The following NPSR1 variants were observed in gnomAD, a reference collection of about 807,000 sequenced individuals.
NPSR1 encodes neuropeptide S receptor.
A neutral mutation model predicts 46.9 loss-of-function variants in NPSR1; 48 were observed. The observed-to-expected ratio is 1.02, with a 90% CI of 0.81 to 1.30. The LOEUF is 1.30. NPSR1 is among the 50% of genes most tolerant of loss of function. The pLI is 0.00. For missense variants in NPSR1, 450 were observed against 449.5 expected (o/e 1.00, Z -0.01); for synonymous variants, 176 against 168.1 (o/e 1.05, Z -0.36).
In NPSR1 at chr7:34,863,425, A is replaced by C. The variant is rs570205447; in HGVS notation, c.1026-14651A>C. Among the ~76,000 whole-genome samples, 24 of 151,858 alleles carry C rather than the reference A, an allele frequency of 1.6e-4. 1 individual carries two copies. Among genetic ancestry groups the C allele is most frequent in the African/African-American group, 5.3e-4 (22 of 41,182 alleles). On this transcript the variant is annotated intron_variant, in intron 8 of 8. Transcript: ENST00000359791. Reference sequence around the variant, plus strand: ...AGCTTCTGCACAGCAAAAGAAACTAACATCAGAGTGAACAGGCAACCTACA... The same window carrying C: ...AGCTTCTGCACAGCAAAAGAAACTACCATCAGAGTGAACAGGCAACCTACA...
intron 2 of NPSR1, among the ~76,000 whole-genome samples, chr7:34,749,608 T>A (rs1785401905): frequency 6.6e-6 from 1 of 152,164 alleles, no homozygotes; most frequent in Non-Finnish European, 1.5e-5. Context: ...CTCAAAATAA[T>A]TCACATCTTC....
chr7:34,783,049 T>C (rs1484681986), intron 3 of NPSR1, among the ~76,000 whole-genome samples: 1 of 151,526 alleles, frequency 6.6e-6, no homozygotes, highest in Non-Finnish European at 1.5e-5. Flanking sequence ...ATTTGTGAAG[T>C]GAAAAACAGG....
At position 34,778,575 on chromosome 7, in the gene NPSR1, A is replaced by G. The variant is rs1037056861; in HGVS notation, c.384+10A>G. 1.9e-6 allele frequency: 3 copies of G among 1,555,918 alleles called. No homozygotes were observed. Among genetic ancestry groups the G allele is most frequent in the Non-Finnish European group, 2.7e-6 (3 of 1,128,202 alleles). On this transcript the variant is annotated intron_variant, in intron 3 of 8. Coordinates refer to ENST00000360581, the MANE Select transcript of NPSR1 (RefSeq NM_207172.2). ...GGTCCGCTATTTGCAGGTATGTCAC[A>G]CCTTCCAAATGTGATGAGACAAACT... is the stretch of plus-strand genomic sequence containing the variant.
At chr7:34,809,230 C>T (rs947855439) in intron 3 of NPSR1, among the ~76,000 whole-genome samples, 4 of 151,982 alleles carry the variant, frequency 2.6e-5, no homozygotes, top group Non-Finnish European at 1.5e-5. Context: ...TCTAAGTAGA[C>T]GATCGATTTT....
Position 34,692,153 on chromosome 7 carries a change from AAAAG to A in NPSR1, c.280+7481_280+7484del, listed in dbSNP as rs200757336. Among the ~76,000 whole-genome samples, 1,070 of 152,076 alleles carry A rather than the reference AAAAG, an allele frequency of 7.0e-3. 13 individuals carry two copies. The highest frequency in any genetic ancestry group is 0.025 in the African/African-American group (1,029 of 41,522). On this transcript the variant is annotated intron_variant, in intron 2 of 8. Transcript: ENST00000360581. Reference sequence around the variant, plus strand: ...AAACAAAACAAAACGAAACAAAATAAAAAGAAAGAAAGAAACTCTGGACTTAAAC... The same window carrying A: ...AAACAAAACAAAACGAAACAAAATAAAAAGAAAGAAACTCTGGACTTAAAC...
At chr7:34,705,342 G>T (rs922959660) in intron 2 of NPSR1, among the ~76,000 whole-genome samples, 1 of 151,196 alleles carries the variant, frequency 6.6e-6, no homozygotes, top group African/African-American at 2.4e-5. Context: ...TGGGAGGATC[G>T]CTTGAATCCA....
chr7:34,791,821 A>C (rs1009417251), intron 3 of NPSR1, among the ~76,000 whole-genome samples: 5 of 152,168 alleles, frequency 3.3e-5, no homozygotes, highest in Admixed American at 1.3e-4. Context: ...ACAGTAATCG[A>C]AACAGTGTTG....
At chr7:34,805,582 T>C (rs548800187) in intron 3 of NPSR1, among the ~76,000 whole-genome samples, 1 of 150,578 alleles carries the variant, frequency 6.6e-6, no homozygotes, top group African/African-American at 2.4e-5. Context: ...TACTATTATA[T>C]AAAACGACTA....
chr7:34,766,256 A>G (rs979977736), intron 2 of NPSR1, among the ~76,000 whole-genome samples: 2 of 152,212 alleles, frequency 1.3e-5, no homozygotes, highest in East Asian at 1.9e-4. Flanking sequence ...GTGGGAGTAC[A>G]CAGTGGTGCA....
At chr7:34,860,840 TC>T (rs1048960663) in intron 8 of NPSR1, among the ~76,000 whole-genome samples, 1 of 151,718 alleles carries the variant, frequency 6.6e-6, no homozygotes, top group African/African-American at 2.4e-5. Context: ...GGCCCCTCCT[TC>T]CCCACTCTCC....
chr7:34,663,067 C>CTCTCTCTG lies in NPSR1; in HGVS notation c.147+4509_147+4510insCTCTCTGT, dbSNP rs35826710. 5.0e-3 allele frequency among the ~76,000 whole-genome samples: 496 copies of CTCTCTCTG among 99,386 alleles called. 2 individuals carry two copies. Among genetic ancestry groups the CTCTCTCTG allele is most frequent in the Admixed American group, 0.01 (112 of 10,898 alleles). The allele number at this position is 99,386 out of a possible 152,430, so 65.2% of individuals were successfully genotyped here. On this transcript the variant is annotated intron_variant, in intron 1 of 8. Coordinates refer to ENST00000360581, the MANE Select transcript of NPSR1 (RefSeq NM_207172.2). Reference sequence around the variant, plus strand: ...TCTCTCTCTCTCTCTCTCTCTCTCTCTGTGTGTGTGTGTGTATGTGTGTGT... The same window carrying CTCTCTCTG: ...TCTCTCTCTCTCTCTCTCTCTCTCTCTCTCTCTGTGTGTGTGTGTGTGTATGTGTGTGT...
chr7:34,840,742 G>A (rs1490216638), intron 6 of NPSR1, among the ~76,000 whole-genome samples: 1 of 152,186 alleles, frequency 6.6e-6, no homozygotes, highest in Non-Finnish European at 1.5e-5. Context: ...AAGAGGTCTG[G>A]GTGAAGTGAC....
At chr7:34,761,129 A>G (rs1226349302) in intron 2 of NPSR1, 4 of 152,876 alleles carry the variant, frequency 2.6e-5, no homozygotes, top group Non-Finnish European at 5.9e-5. Context: ...TTCACACTGC[A>G]TTCTTTGGGA....
At chr7:34,660,845 T>TTGACTCATCCCTCCC (rs35047701) in intron 1 of NPSR1, among the ~76,000 whole-genome samples, 1 of 151,704 alleles carries the variant, frequency 6.6e-6, no homozygotes, top group Admixed American at 6.6e-5. Context: ...GAAGCCCTCC[T>TTGACTCATCCCTCCC]TGACTCATCC....
At chr7:34,790,243 C>A (rs114444502) in intron 3 of NPSR1, among the ~76,000 whole-genome samples, 1 of 152,100 alleles carries the variant, frequency 6.6e-6, no homozygotes, top group Non-Finnish European at 1.5e-5. Flanking sequence ...ATGTGACATG[C>A]CACATTAACA....
At chr7:34,863,296 A>G (rs1791232363) in intron 8 of NPSR1, among the ~76,000 whole-genome samples, 1 of 151,898 alleles carries the variant, frequency 6.6e-6, no homozygotes. Context: ...AAACCTAGGC[A>G]ATACCATTAG....
intron 2 of NPSR1, among the ~76,000 whole-genome samples, chr7:34,753,141 C>G (rs955964450): frequency 6.6e-6 from 1 of 152,096 alleles, no homozygotes; most frequent in African/African-American, 2.4e-5. Flanking sequence ...AATCAGGGTC[C>G]TCCAGGGCAA....
chr7:34,777,602 T>C (rs980761315), intron 2 of NPSR1, among the ~76,000 whole-genome samples: 2 of 152,058 alleles, frequency 1.3e-5, no homozygotes, highest in East Asian at 1.9e-4. Flanking sequence ...TGTGTGTAGA[T>C]AGTTGCTAAA....
intron 2 of NPSR1, among the ~76,000 whole-genome samples, chr7:34,770,956 G>T (rs906128415): frequency 6.6e-6 from 1 of 152,128 alleles, no homozygotes; most frequent in Non-Finnish European, 1.5e-5. Flanking sequence ...TTTTATAATG[G>T]CATTAATCTA....
Sources: allele counts gnomAD v4.1 joint callset (sites outside exome capture counted in the v4.1 genomes callset), GRCh38; gene constraint gnomAD v4.1.1; transcripts MANE v1.5; gene names NCBI Gene and HGNC (gene_info 2026-07-23, HGNC 2026-07-21).